The following MLXIPL variants were observed in gnomAD, a reference collection of about 807,000 sequenced individuals.
MLXIPL encodes carbohydrate-responsive element-binding protein.
Under a neutral mutation model 81.5 loss-of-function variants are expected in MLXIPL, and 49 were observed. The observed-to-expected ratio is 0.60, with a 90% CI of 0.48 to 0.76. The LOEUF (loss-of-function observed/expected upper bound fraction) is 0.76. MLXIPL is among the 30% of genes least tolerant of loss of function. MLXIPL has a pLI of 0.00. For synonymous variants in MLXIPL, 466 were observed against 485.5 expected (o/e 0.96, Z 0.53); for missense variants, 1,053 against 1,167.0 (o/e 0.90, Z 1.42).
chr7:73,640,241 A>G, the MLXIPL span, among the ~76,000 whole-genome samples: 1 of 147,972 alleles, frequency 6.8e-6, no homozygotes, highest in African/African-American at 2.5e-5. Context: ...CCTGTCTCTT[A>G]AAATAATAGC....
the MLXIPL span, among the ~76,000 whole-genome samples, chr7:73,639,772 T>C: frequency 6.6e-6 from 1 of 152,084 alleles, no homozygotes; most frequent in East Asian, 1.9e-4. Context: ...AAAAAGAAAG[T>C]TATGGGCCGG....
Position 73,596,747 on chromosome 7 carries a change from T to C in MLXIPL, c.1714A>G (p.Thr572Ala), listed in dbSNP as rs1584074315. The C allele has an allele frequency of 6.3e-7, 1 of 1,594,846 alleles. No individual in the cohort carries two copies. Among genetic ancestry groups the C allele is most frequent in the Middle Eastern group, 1.7e-4 (1 of 5,948 alleles). ...GGCCGGGGCGGTGTAGGGGCCGGGG[T>C]CGGGGGAAGGAATGTGCAGGGGAAT... ...PEFPCTFLPP[T>A]PAPTPPRPPP... The change falls in exon 11 of 17, where the codon ACC becomes GCC. Residue 572 changes from threonine to alanine, a missense_variant. Physicochemically the swap from Thr to Ala is moderately conservative, Grantham distance 58. Transcript: ENST00000313375. The surrounding 1 kb of genome is among the most constrained non-coding windows in gnomAD (Gnocchi z 4.7).
chr7:73,645,937 CT>C, the MLXIPL span, among the ~76,000 whole-genome samples: 1 of 152,192 alleles, frequency 6.6e-6, no homozygotes, highest in Admixed American at 6.5e-5. Flanking sequence ...GCCAGAAAAG[CT>C]TGTGCAGTGC....
chr7:73,599,555 T>C lies in MLXIPL; in HGVS notation c.1042A>G (p.Thr348Ala). 1 of 1,612,574 alleles carries C rather than the reference T, an allele frequency of 6.2e-7. No homozygotes were observed. The highest frequency in any genetic ancestry group is 8.5e-7 in the Non-Finnish European group (1 of 1,179,658). The change falls in exon 8 of 17, where the codon ACC becomes GCC. Residue 348 changes from threonine (T) to alanine (A), a missense_variant. Thr to Ala is a moderately conservative substitution (Grantham distance 58, BLOSUM62 0). Coordinates refer to ENST00000313375, the MANE Select transcript of MLXIPL (RefSeq NM_032951.3). ...PEVPPASSAMTHLSGHSRLQA... is the reference protein window; with the variant it reads ...PEVPPASSAMAHLSGHSRLQA... ...AGACGGCTGTGTCCAGAGAGGTGGG[T>C]CATGGCCGAGGAAGCCGGGGGCACC...
rs146487355 is a variant in MLXIPL at position 73,599,665 on chromosome 7, G to A, written c.932C>T (p.Pro311Leu). ...CTCTGGGAAGTTTGAAGGCATGGGC[G>A]GCTGTGGGAGGCGGGAGTTGGTAAA... The part of the protein sequence containing the change: ...DFFTNSRLPQ[P>L]PMPSNFPEPP... The change falls in exon 8 of 17, where the codon CCG becomes CTG. Residue 311 changes from proline (P) to leucine (L), a missense_variant. Around this residue, in one of 3 missense-constraint regions of MLXIPL, gnomAD observed 823 missense variants for 933.0 expected, o/e 0.88. Coordinates refer to ENST00000313375, the MANE Select transcript of MLXIPL (RefSeq NM_032951.3). 4,190 of 1,607,314 alleles carry A rather than the reference G, an allele frequency of 2.6e-3. 10 individuals carry two copies. Among genetic ancestry groups the A allele is most frequent in the Non-Finnish European group, 3.3e-3 (3,919 of 1,176,528 alleles).
At chr7:73,642,842 C>T in the MLXIPL span, among the ~76,000 whole-genome samples, 8 of 152,222 alleles carry the variant, frequency 5.3e-5, no homozygotes, top group Non-Finnish European at 1.2e-4. Flanking sequence ...TGACTGAACG[C>T]ATTCTCCAAC....
In MLXIPL at chr7:73,596,096, G is replaced by A; in HGVS notation, c.2058+57C>T. The A allele has an allele frequency of 6.2e-7, 1 of 1,601,340 alleles. No homozygotes were observed. ...CCCTGCAATTGAGTTTTGGGTGGGG[G>A]GGGTCCAGAAAGGGGCCCTGTGGTT... On this transcript the variant is annotated intron_variant, in intron 13 of 16. Transcript: ENST00000313375. The surrounding 1 kb of genome is among the most constrained non-coding windows in gnomAD (Gnocchi z 4.7).
chr7:73,620,699 G>A (rs959537566), intron 1 of MLXIPL, among the ~76,000 whole-genome samples: 6 of 151,272 alleles, frequency 4.0e-5, no homozygotes, highest in African/African-American at 1.2e-4. Flanking sequence ...CTGAGATTGC[G>A]CCACTGCACT....
At chr7:73,636,646 C>T in the MLXIPL span, among the ~76,000 whole-genome samples, 3 of 152,054 alleles carry the variant, frequency 2.0e-5, no homozygotes, top group Non-Finnish European at 4.4e-5. Flanking sequence ...CAGTGGGCAC[C>T]GAGGTATCTG....
At chr7:73,618,524 T>C (rs1365818857) in intron 1 of MLXIPL, among the ~76,000 whole-genome samples, 8 of 151,176 alleles carry the variant, frequency 5.3e-5, no homozygotes, top group Non-Finnish European at 1.2e-4. Flanking sequence ...GCATTGGTCA[T>C]TGGGCCCTCT....
chr7:73,594,150 G>A, intron 16 of MLXIPL, 124 bp downstream of exon 16: 1 of 1,499,964 alleles, frequency 6.7e-7, no homozygotes, highest in Non-Finnish European at 9.2e-7. Flanking sequence ...TCTGGGGGAT[G>A]CGGGGTGGCC....
chr7:73,614,441 T>C (rs72649042), intron 2 of MLXIPL, among the ~76,000 whole-genome samples: 30 of 152,194 alleles, frequency 2.0e-4, no homozygotes, highest in Non-Finnish European at 8.8e-5. Context: ...CGAAAGTGCC[T>C]GGCATGTAGA....
chr7:73,621,052 A>AAAATAAAT lies in MLXIPL; in HGVS notation c.293+3140_293+3147dup, dbSNP rs4027532. Among the ~76,000 whole-genome samples, 356 of 148,752 alleles carry AAAATAAAT rather than the reference A, an allele frequency of 2.4e-3. 1 individual carries two copies. Among genetic ancestry groups the AAAATAAAT allele is most frequent in the African/African-American group, 5.4e-3 (218 of 40,136 alleles). ...GCAACAGAGTGAGACTCTGTCTCCA[A>AAAATAAAT]AAATAAATAAATAAATAAATAAATA... On this transcript the variant is annotated intron_variant, in intron 1 of 16. Coordinates refer to ENST00000313375, the MANE Select transcript of MLXIPL (RefSeq NM_032951.3).
At chr7:73,608,990 G>A (rs529776111) in intron 2 of MLXIPL, among the ~76,000 whole-genome samples, 1 of 152,126 alleles carries the variant, frequency 6.6e-6, no homozygotes, top group South Asian at 2.1e-4. Context: ...TAAATTTTTT[G>A]TAGAGACAGG....
At chr7:73,594,553 C>CTTTT in intron 15 of MLXIPL, 150 bp from the exon 16 acceptor site, 1 of 748,520 alleles carries the variant, frequency 1.3e-6, no homozygotes, top group Non-Finnish European at 2.1e-6. Flanking sequence ...CCTACTTCTT[C>CTTTT]TTTTTTTTTT....
At chr7:73,611,821 A>T (rs13234378) in intron 2 of MLXIPL, among the ~76,000 whole-genome samples, 14,520 of 152,026 alleles carry the variant, frequency 0.096, 824 homozygotes, top group Non-Finnish European at 0.13. Flanking sequence ...CTCAAAAAAA[A>T]AAAAATAAAA....
chr7:73,610,432 TC>T (rs35512732), intron 2 of MLXIPL: 41,313 of 152,208 alleles, frequency 0.27, 5,918 homozygotes, highest in African/African-American at 0.34. Flanking sequence ...GTCCCCCTCC[TC>T]CATGACTGGG....
At position 73,598,079 on chromosome 7, in the gene MLXIPL, A is replaced by G. The variant is rs569097735; in HGVS notation, c.1072-366T>C. Among the ~76,000 whole-genome samples the G allele has an allele frequency of 2.0e-5, 3 of 151,908 alleles. No homozygotes were observed. In the South Asian group the frequency reaches 6.2e-4, roughly 32 times the overall value. On this transcript the variant is annotated intron_variant, in intron 8 of 16. Transcript: ENST00000313375. ...TCCATTCATCATCCATCCATCCACT[A>G]ACTTGTCCACTGATCCATCCACCAA...
intron 1 of MLXIPL, 55 bp downstream of exon 1, chr7:73,624,145 C>T (rs191713075): frequency 9.8e-6 from 14 of 1,427,196 alleles, no homozygotes; most frequent in Admixed American, 6.8e-5. Context: ...GCCCCGGACC[C>T]CCCCCCCATC....
Sources: gnomAD v4.1 joint callset for allele counts (sites outside exome capture counted in the v4.1 genomes callset) on GRCh38, gnomAD v4.1.1 for gene constraint, gnomAD v4.1.1 regional missense constraint, Gnocchi (gnomAD v3.1) non-coding constraint, MANE v1.5 for transcripts, NCBI Gene and HGNC (gene_info 2026-07-23, HGNC 2026-07-21) for gene names.